The following FOXP2 variants were observed in gnomAD, a reference collection of about 807,000 sequenced individuals.
FOXP2 encodes forkhead box protein P2.
A neutral mutation model predicts 115.8 loss-of-function variants in FOXP2; 12 were observed. The ratio of observed to expected loss-of-function variants is 0.10; its 90% confidence interval spans 0.07 to 0.17. FOXP2 has a LOEUF of 0.17. FOXP2 is among the 10% of genes least tolerant of loss of function. The probability of loss-of-function intolerance (pLI) is 1.00; values close to 1 mark genes in which losing one functional copy is unlikely to be tolerated. For missense variants in FOXP2, 629 were observed against 843.5 expected (o/e 0.75, Z 3.15); for synonymous variants, 328 against 297.7 (o/e 1.10, Z -1.05).
chr7:114,150,787 T>C (rs1254612346), intron 1 of FOXP2, among the ~76,000 whole-genome samples: 1 of 152,028 alleles, frequency 6.6e-6, no homozygotes, highest in African/African-American at 2.4e-5. Flanking sequence ...TTTCTCTCTT[T>C]GGCTGAACTA....
intron 1 of FOXP2, among the ~76,000 whole-genome samples, chr7:114,122,404 T>A (rs535033711): frequency 6.6e-6 from 1 of 152,090 alleles, no homozygotes; most frequent in Admixed American, 6.6e-5. Flanking sequence ...GTTTTCTTTT[T>A]TTTTTTTTCC....
At chr7:114,469,439 C>G (rs1430949562) in intron 2 of FOXP2, among the ~76,000 whole-genome samples, 3 of 152,094 alleles carry the variant, frequency 2.0e-5, no homozygotes, top group Non-Finnish European at 2.9e-5. Flanking sequence ...GTGGTCACCT[C>G]AAAGCTGATT....
chr7:114,367,473 T>A (rs1791908902), intron 2 of FOXP2, among the ~76,000 whole-genome samples: 1 of 152,106 alleles, frequency 6.6e-6, no homozygotes, highest in Non-Finnish European at 1.5e-5. Context: ...ACCCCCTTAT[T>A]CTCAAGAGTA....
chr7:114,253,604 A>G (rs1021940108), intron 1 of FOXP2, among the ~76,000 whole-genome samples: 16 of 152,178 alleles, frequency 1.1e-4, no homozygotes, highest in Non-Finnish European at 2.2e-4. Context: ...ATCAGAGACT[A>G]GGATTGCAAC....
At chr7:114,228,377 A>G (rs1314987553) in intron 1 of FOXP2, among the ~76,000 whole-genome samples, 1 of 151,978 alleles carries the variant, frequency 6.6e-6, no homozygotes, top group Non-Finnish European at 1.5e-5. Context: ...CTTTTCATGT[A>G]TCTTTTAGTT....
chr7:114,348,207 TTAA>T (rs1791393936), intron 2 of FOXP2, among the ~76,000 whole-genome samples: 1 of 152,068 alleles, frequency 6.6e-6, no homozygotes, highest in Admixed American at 6.6e-5. Context: ...TTAAAAATGA[TTAA>T]TAATAGATTA....
chr7:114,223,582 G>C (rs952256135), intron 1 of FOXP2, among the ~76,000 whole-genome samples: 1 of 146,254 alleles, frequency 6.8e-6, no homozygotes, highest in Non-Finnish European at 1.5e-5. Context: ...ACCAGTTTAT[G>C]GGTGTATATA....
intron 2 of FOXP2, among the ~76,000 whole-genome samples, chr7:114,344,072 A>C (rs1791279024): frequency 9.8e-6 from 1 of 101,680 alleles, no homozygotes. Context: ...CATGCCTAGA[A>C]CATTACCTTG....
intron 1 of FOXP2, among the ~76,000 whole-genome samples, chr7:114,215,565 T>C (rs954797498): frequency 6.6e-6 from 1 of 152,158 alleles, no homozygotes; most frequent in Non-Finnish European, 1.5e-5. Flanking sequence ...CTGAAATCCA[T>C]GATAAAGAAA....
At chr7:114,503,309 A>G (rs1430321981) in intron 2 of FOXP2, among the ~76,000 whole-genome samples, 1 of 151,694 alleles carries the variant, frequency 6.6e-6, no homozygotes, top group Non-Finnish European at 1.5e-5. Flanking sequence ...TATATTTATC[A>G]TAAAGATTTT....
intron 3 of FOXP2, among the ~76,000 whole-genome samples, chr7:114,619,602 G>A (rs577909915): frequency 3.8e-4 from 58 of 152,062 alleles, no homozygotes; most frequent in African/African-American, 1.3e-3. Context: ...TTTATGAAAT[G>A]TATTAGGCCA....
chr7:114,587,930 T>C lies in FOXP2; in HGVS notation c.259-40610T>C, dbSNP rs139441814. The stretch of plus-strand genomic sequence containing the variant: ...AATGATTCTGAAATTCTCATCCTTA[T>C]TTTAAGTGCCTTTAATATTTATTTT... On this transcript the variant is annotated intron_variant, in intron 3 of 16. Transcript: ENST00000350908. Among the ~76,000 whole-genome samples, 888 of 139,446 alleles carry C rather than the reference T, an allele frequency of 6.4e-3. 18 individuals are homozygous for C. Among genetic ancestry groups the C allele is most frequent in the African/African-American group, 0.024 (868 of 35,724 alleles). 91.5% of individuals were successfully genotyped at this position (139,446 alleles called of 152,430 possible).
chr7:114,685,981 T>A (rs536888237), intron 16 of FOXP2, among the ~76,000 whole-genome samples: 2,298 of 148,792 alleles, frequency 0.015, 37 homozygotes, highest in African/African-American at 0.044. Flanking sequence ...TTTTTTTTTT[T>A]AAAAAAAAAG....
At chr7:114,431,197 A>G (rs2129207325) in intron 2 of FOXP2, among the ~76,000 whole-genome samples, 1 of 151,996 alleles carries the variant, frequency 6.6e-6, no homozygotes, top group East Asian at 1.9e-4. Context: ...CATTAAATTT[A>G]GGCGGTGTTT....
chr7:114,352,825 A>G (rs562376349), intron 2 of FOXP2, among the ~76,000 whole-genome samples: 25 of 152,296 alleles, frequency 1.6e-4, no homozygotes, highest in African/African-American at 6.0e-4. Context: ...AATTTAGCAT[A>G]TAATAATGGC....
At chr7:114,652,461 C>T (rs1207959379) in intron 9 of FOXP2, among the ~76,000 whole-genome samples, 171 bp downstream of exon 9, 5 of 151,978 alleles carry the variant, frequency 3.3e-5, no homozygotes, top group African/African-American at 1.2e-4. Flanking sequence ...ATTGATAACC[C>T]AGGAAGGATT....
chr7:114,102,656 C>A lies in FOXP2; in HGVS notation c.-247+14818C>A, dbSNP rs527337432. ...ATCAGGCAGTGGGCTAGTTTTAACC[C>A]ATGGACCATATTTTGCTACACACAT... On this transcript the variant is annotated intron_variant, in intron 1 of 19. Transcript: ENST00000635638. Among the ~76,000 whole-genome samples the A allele has an allele frequency of 1.3e-3, 198 of 149,918 alleles. 1 individual carries two copies. The Middle Eastern group carries it at 0.017, about 13-fold the overall frequency.
chr7:114,290,097 T>A (rs1447344928), intron 2 of FOXP2, among the ~76,000 whole-genome samples: 1 of 151,940 alleles, frequency 6.6e-6, no homozygotes, highest in South Asian at 2.1e-4. Flanking sequence ...CTTGTGAAAA[T>A]TTAGCACTTG....
chr7:114,247,320 A>G (rs2129168738), intron 1 of FOXP2, among the ~76,000 whole-genome samples: 1 of 152,296 alleles, frequency 6.6e-6, no homozygotes, highest in East Asian at 1.9e-4. Context: ...CTATTAATAC[A>G]TATCTCTAAC....
Sources: gnomAD v4.1 joint callset for allele counts (sites outside exome capture counted in the v4.1 genomes callset) on GRCh38, gnomAD v4.1.1 for gene constraint, MANE v1.5 for transcripts, NCBI Gene and HGNC (gene_info 2026-07-23, HGNC 2026-07-21) for gene names.